DYM: variants seen among roughly 807,000 people sequenced by gnomAD.
DYM encodes the protein dymeclin.
A neutral mutation model predicts 93.1 loss-of-function variants in DYM; 78 were observed. The observed-to-expected ratio is 0.84, with a 90% confidence interval of 0.70 to 1.01. The LOEUF (loss-of-function observed/expected upper bound fraction) is 1.01. DYM is among the 50% of genes least tolerant of loss of function. DYM has a pLI of 0.00. For missense variants in DYM, 789 were observed against 845.0 expected (o/e 0.93, Z 0.82); for synonymous variants, 321 against 319.7 (o/e 1.00, Z -0.04).
chr18:49,387,676 A>C (rs755367497), intron 3 of DYM, among the ~76,000 whole-genome samples: 1 of 152,214 alleles, frequency 6.6e-6, no homozygotes, highest in African/African-American at 2.4e-5. Flanking sequence ...TATAAAATTA[A>C]GATACATACA....
At chr18:49,077,606 T>G (rs1054568993) in intron 17 of DYM, among the ~76,000 whole-genome samples, 63 of 152,322 alleles carry the variant, frequency 4.1e-4, no homozygotes, top group African/African-American at 1.5e-3. Context: ...TCCAACACAG[T>G]GGAGTTGTCT....
rs1204572907 is a variant in DYM, at chr18:49,426,766, T to C, written c.140+3489A>G. On this transcript the variant is annotated intron_variant, in intron 2 of 17. Transcript: ENST00000675505. ...TCACACTGGAAAACATGTGTGTGTG[T>C]GTGTGTGTGTGTGTGTGTGTGTGTG... Among the ~76,000 whole-genome samples, 7 of 41,216 alleles carry C rather than the reference T, an allele frequency of 1.7e-4. No individual in the cohort carries two copies. The East Asian group carries it at 2.6e-3, about 15-fold the overall frequency. The allele number at this position is 41,216 out of a possible 152,430, so 27.0% of individuals were successfully genotyped here. A position where few individuals can be genotyped will look rare whatever the true frequency, so the allele number is the denominator to read the frequency against.
chr18:49,322,789 T>C (rs1376986514), intron 8 of DYM, among the ~76,000 whole-genome samples: 1 of 152,206 alleles, frequency 6.6e-6, no homozygotes, highest in Non-Finnish European at 1.5e-5. Context: ...TAATATCTGA[T>C]ACTAATAGTG....
chr18:49,370,095 G>A (rs902423380), intron 5 of DYM, among the ~76,000 whole-genome samples: 3 of 152,038 alleles, frequency 2.0e-5, no homozygotes, highest in Non-Finnish European at 4.4e-5. Flanking sequence ...TGGCCAACAC[G>A]GTGAAACCCC....
chr18:49,152,208 C>A (rs1265024751), intron 15 of DYM, among the ~76,000 whole-genome samples: 1 of 152,020 alleles, frequency 6.6e-6, no homozygotes, highest in Non-Finnish European at 1.5e-5. Flanking sequence ...TAATATTCTA[C>A]CATATTCCAT....
intron 17 of DYM, among the ~76,000 whole-genome samples, chr18:49,045,963 G>C (rs2071440726): frequency 6.6e-6 from 1 of 152,156 alleles, no homozygotes; most frequent in Admixed American, 6.5e-5. Context: ...CAGTGCAGCA[G>C]GCAGAGGCAG....
intron 6 of DYM, among the ~76,000 whole-genome samples, chr18:49,358,509 C>T (rs1462498697): frequency 6.6e-6 from 1 of 152,102 alleles, no homozygotes. Context: ...GCAGTGAAAG[C>T]AATTAATTAT....
rs751408150 is a variant in DYM, at chr18:49,396,268, G to A, written c.141-4623C>T. Among the ~76,000 whole-genome samples the A allele has an allele frequency of 5.9e-5, 9 of 152,134 alleles. No individual in the cohort carries two copies. The East Asian group carries it at 1.7e-3, about 29-fold the overall frequency. ...GAAAGTAAATTAGTACAGCCATTAAGGACAACAGTAGGGAGGTTTTTCAAC... is the reference window on the plus strand; with the variant it reads ...GAAAGTAAATTAGTACAGCCATTAAAGACAACAGTAGGGAGGTTTTTCAAC... On this transcript the variant is annotated intron_variant, in intron 2 of 17. Coordinates refer to ENST00000675505, the MANE Select transcript of DYM (RefSeq NM_001353214.3).
At chr18:49,103,136 T>C (rs1319394861) in intron 16 of DYM, among the ~76,000 whole-genome samples, 1 of 152,200 alleles carries the variant, frequency 6.6e-6, no homozygotes, top group Non-Finnish European at 1.5e-5. Flanking sequence ...TATCTCATTG[T>C]GGTTTTGATT....
intron 14 of DYM, among the ~76,000 whole-genome samples, chr18:49,208,182 CAAAAAAA>C (rs138264681): frequency 1.0e-4 from 6 of 58,306 alleles, no homozygotes; most frequent in East Asian, 8.7e-4. Context: ...GACTCCATCT[CAAAAAAA>C]AAAAAAAAAA....
At chr18:49,291,870 T>C (rs1334106112) in intron 8 of DYM, among the ~76,000 whole-genome samples, 1 of 152,220 alleles carries the variant, frequency 6.6e-6, no homozygotes, top group Non-Finnish European at 1.5e-5. Flanking sequence ...GTATTAATTA[T>C]TTGCTTTGGG....
intron 8 of DYM, among the ~76,000 whole-genome samples, chr18:49,289,140 G>T (rs112042592): frequency 6.6e-6 from 1 of 151,912 alleles, no homozygotes; most frequent in African/African-American, 2.4e-5. Flanking sequence ...AGTAAGAAAA[G>T]GATAAAATTC....
chr18:49,170,664 C>T (rs2088558279), intron 14 of DYM, among the ~76,000 whole-genome samples: 1 of 151,480 alleles, frequency 6.6e-6, no homozygotes, highest in Non-Finnish European at 1.5e-5. Context: ...CCTGTAATCC[C>T]AGCTACTCAG....
intron 15 of DYM, among the ~76,000 whole-genome samples, chr18:49,130,138 G>T (rs1418759499): frequency 2.0e-5 from 3 of 152,174 alleles, no homozygotes; most frequent in African/African-American, 7.2e-5. Flanking sequence ...GACTCTCCAG[G>T]ATTGAGGCTG....
chr18:49,227,612 CA>C (rs1254712068), intron 13 of DYM, among the ~76,000 whole-genome samples: 1 of 152,134 alleles, frequency 6.6e-6, no homozygotes, highest in Non-Finnish European at 1.5e-5. Flanking sequence ...ACTAAACCCA[CA>C]TCTGTGAGCT....
chr18:49,401,207 T>C (rs1011492751), intron 2 of DYM, among the ~76,000 whole-genome samples: 14 of 152,174 alleles, frequency 9.2e-5, no homozygotes, highest in African/African-American at 2.7e-4. Flanking sequence ...TAGGGATAAA[T>C]ACTTAAAACT....
chr18:49,407,214 G>A (rs75062662), intron 2 of DYM, among the ~76,000 whole-genome samples: 2,206 of 152,222 alleles, frequency 0.014, 51 homozygotes, highest in African/African-American at 0.05. Flanking sequence ...GGAGAGGATG[G>A]GTGTGGCTAT....
chr18:49,406,802 A>T (rs966352919), intron 2 of DYM, among the ~76,000 whole-genome samples: 1 of 152,238 alleles, frequency 6.6e-6, no homozygotes, highest in Non-Finnish European at 1.5e-5. Flanking sequence ...TATAAGGCTA[A>T]ATATGCACTA....
intron 13 of DYM, among the ~76,000 whole-genome samples, chr18:49,230,395 C>T (rs2093659459): frequency 6.6e-6 from 1 of 152,134 alleles, no homozygotes; most frequent in Non-Finnish European, 1.5e-5. Flanking sequence ...TATAATCTCT[C>T]TACACTTTTC....
Sources: allele counts gnomAD v4.1 joint callset (sites outside exome capture counted in the v4.1 genomes callset), GRCh38; gene constraint gnomAD v4.1.1; transcripts MANE v1.5; gene names NCBI Gene and HGNC (gene_info 2026-07-23, HGNC 2026-07-21).